Variants in ADGRL3 observed in about 807,000 individuals in gnomAD.
ADGRL3 encodes adhesion G protein-coupled receptor L3, also known as calcium-independent alpha-latrotoxin receptor 3.
In ADGRL3, 62 loss-of-function variants were observed where a neutral mutation model predicts 153.5. The observed-to-expected ratio is 0.40, with a 90% CI of 0.33 to 0.50. The LOEUF (loss-of-function observed/expected upper bound fraction) is 0.50, where lower values mean the gene tolerates loss of function less well. Among genes scored for constraint, ADGRL3 ranks in the 20% least tolerant of loss-of-function variants. The pLI, the probability that ADGRL3 is intolerant of heterozygous loss-of-function variation, is 0.47. For missense variants in ADGRL3, 1,641 were observed against 1,859.4 expected, an observed-to-expected ratio of 0.88 and a Z score of 2.16; for synonymous variants, 710 against 672.5, an observed-to-expected ratio of 1.06 and a Z score of -0.86.
intron 1 of ADGRL3, among the ~76,000 whole-genome samples, chr4:61,368,658 A>G (rs2096458424): frequency 6.6e-6 from 1 of 152,052 alleles, no homozygotes; most frequent in Admixed American, 6.6e-5. Context: ...GAAGTCAGGT[A>G]GTGTGATGCC....
At chr4:61,642,047 G>A (rs1034653511) in intron 5 of ADGRL3, among the ~76,000 whole-genome samples, 1 of 150,402 alleles carries the variant, frequency 6.6e-6, no homozygotes, top group Non-Finnish European at 1.5e-5. Flanking sequence ...GTGATGATGA[G>A]CATTTTTTCA....
intron 1 of ADGRL3, among the ~76,000 whole-genome samples, chr4:61,290,424 A>G (rs1034416659): frequency 1.3e-5 from 2 of 152,028 alleles, no homozygotes; most frequent in Non-Finnish European, 2.9e-5. Flanking sequence ...TATCTTTCTC[A>G]CTATTTCTCT....
intron 1 of ADGRL3, among the ~76,000 whole-genome samples, chr4:61,293,672 A>G (rs1435848706): frequency 1.3e-5 from 2 of 152,214 alleles, no homozygotes; most frequent in Non-Finnish European, 2.9e-5. Flanking sequence ...ACATTTGCTG[A>G]TAATACATAG....
At chr4:61,478,727 T>G (rs1349155057) in intron 2 of ADGRL3, among the ~76,000 whole-genome samples, 1 of 152,102 alleles carries the variant, frequency 6.6e-6, no homozygotes, top group East Asian at 1.9e-4. Flanking sequence ...TGATGTTTAC[T>G]GGCAGTATTC....
chr4:61,536,227 C>A (rs2152975719), intron 4 of ADGRL3, among the ~76,000 whole-genome samples: 1 of 152,104 alleles, frequency 6.6e-6, no homozygotes, highest in East Asian at 1.9e-4. Flanking sequence ...TAATGTTATT[C>A]CGCTGTGGTC....
At chr4:61,211,131 G>A (rs1326666211) in intron 1 of ADGRL3, among the ~76,000 whole-genome samples, 1 of 152,108 alleles carries the variant, frequency 6.6e-6, no homozygotes, top group Non-Finnish European at 1.5e-5. Flanking sequence ...TTAATAGAAT[G>A]GGTGTTTTCA....
At chr4:61,908,708 A>G (rs2098708145) in intron 11 of ADGRL3, among the ~76,000 whole-genome samples, 2 of 152,212 alleles carry the variant, frequency 1.3e-5, no homozygotes, top group South Asian at 4.1e-4. Flanking sequence ...ATTTAGTGTA[A>G]ATGTGTTATA....
At chr4:61,364,347 T>C (rs63535763) in intron 1 of ADGRL3, among the ~76,000 whole-genome samples, 9 of 134,738 alleles carry the variant, frequency 6.7e-5, no homozygotes, top group African/African-American at 2.5e-4. Flanking sequence ...AAAAAAAAAA[T>C]AATAATAATA....
At chr4:61,286,000 T>C (rs1423322698) in intron 1 of ADGRL3, among the ~76,000 whole-genome samples, 5 of 151,698 alleles carry the variant, frequency 3.3e-5, no homozygotes, top group Non-Finnish European at 7.4e-5. Context: ...TATTCTGCTA[T>C]AAAATTAATC....
At chr4:61,448,606 A>G (rs975897345) in intron 2 of ADGRL3, among the ~76,000 whole-genome samples, 31 of 152,244 alleles carry the variant, frequency 2.0e-4, no homozygotes, top group African/African-American at 7.0e-4. Context: ...TACTCCTTAC[A>G]TTCTGTCGGC....
intron 15 of ADGRL3, among the ~76,000 whole-genome samples, chr4:61,937,565 CT>C (rs1480999944): frequency 6.6e-6 from 1 of 152,120 alleles, no homozygotes; most frequent in African/African-American, 2.4e-5. Flanking sequence ...CCCAATCACT[CT>C]TTCCCCATTA....
chr4:61,787,569 A>G (rs1159073800), intron 8 of ADGRL3, among the ~76,000 whole-genome samples: 1 of 152,132 alleles, frequency 6.6e-6, no homozygotes, highest in East Asian at 1.9e-4. Flanking sequence ...GGAATTTAAT[A>G]CCCAAAACAA....
chr4:61,373,116 G>A (rs553287282), intron 1 of ADGRL3, among the ~76,000 whole-genome samples: 1 of 152,248 alleles, frequency 6.6e-6, no homozygotes, highest in African/African-American at 2.4e-5. Context: ...TCACTGACCT[G>A]CGCCCACTGT....
intron 25 of ADGRL3, chr4:62,063,514 C>A (rs1244612886): frequency 4.4e-6 from 3 of 687,244 alleles, no homozygotes; most frequent in Non-Finnish European, 8.0e-6. Flanking sequence ...GGAGCCATGG[C>A]TAATCATCTT....
At chr4:61,291,496 G>A (rs2094196207) in intron 1 of ADGRL3, among the ~76,000 whole-genome samples, 2 of 150,104 alleles carry the variant, frequency 1.3e-5, no homozygotes, top group African/African-American at 4.9e-5. Context: ...TGTGAATTCT[G>A]GTATCCTGGA....
intron 4 of ADGRL3, among the ~76,000 whole-genome samples, chr4:61,579,354 G>T (rs1043432422): frequency 2.6e-5 from 4 of 151,978 alleles, no homozygotes; most frequent in African/African-American, 9.7e-5. Flanking sequence ...AGCCAGTTTG[G>T]ATTTTTTGAC....
At chr4:61,926,104 T>C (rs1181126530) in intron 13 of ADGRL3, among the ~76,000 whole-genome samples, 3 of 152,152 alleles carry the variant, frequency 2.0e-5, no homozygotes, top group Non-Finnish European at 4.4e-5. Flanking sequence ...AACACAATGG[T>C]ATTTGTGTAT....
chr4:61,682,336 T>A (rs2095354474), intron 6 of ADGRL3, among the ~76,000 whole-genome samples: 1 of 151,910 alleles, frequency 6.6e-6, no homozygotes, highest in African/African-American at 2.4e-5. Flanking sequence ...CCATTCTTTC[T>A]CTCCCTTACC....
intron 2 of ADGRL3, among the ~76,000 whole-genome samples, chr4:61,478,885 G>T (rs2098098592): frequency 6.6e-6 from 1 of 151,914 alleles, no homozygotes; most frequent in Non-Finnish European, 1.5e-5. Context: ...TTCAGTTAAT[G>T]TTATGTTTCC....
Sources: allele counts gnomAD v4.1 joint callset (sites outside exome capture counted in the v4.1 genomes callset), GRCh38; gene constraint gnomAD v4.1.1; transcripts MANE v1.5; gene names NCBI Gene and HGNC (gene_info 2026-07-23, HGNC 2026-07-21).